The following DNAH2 variants were observed in gnomAD, a reference collection of about 807,000 sequenced individuals.
DNAH2 encodes the protein axonemal beta dynein heavy chain 2.
Under a neutral mutation model 523.5 loss-of-function variants are expected in DNAH2, and 323 were observed. That is an observed-to-expected ratio of 0.62 (90% CI 0.56 to 0.68). The LOEUF (loss-of-function observed/expected upper bound fraction) is 0.68, where lower values mean the gene tolerates loss of function less well. Ranked by LOEUF, DNAH2 falls within the 30% of genes least tolerant of loss-of-function variation. DNAH2 has a pLI of 0.00. For synonymous variants in DNAH2, 2,093 were observed against 2,177.4 expected, an observed-to-expected ratio of 0.96 and a Z score of 1.08; for missense variants, 4,907 against 5,701.5, an observed-to-expected ratio of 0.86 and a Z score of 4.49.
chr17:7,741,300 T>TTCTTTCTTC (rs1567625056), intron 11 of DNAH2, among the ~76,000 whole-genome samples: 48 of 44,858 alleles, frequency 1.1e-3, no homozygotes, highest in Middle Eastern at 0.018. Flanking sequence ...CTTTCTTCCT[T>TTCTTTCTTC]CCTTCCCTCC....
rs1293799828 is a variant in DNAH2, at chr17:7,718,456, G to T, written c.-358G>T. The T allele has an allele frequency of 6.6e-6, 1 of 152,200 alleles. No individual in the cohort carries two copies. Among genetic ancestry groups the T allele is most frequent in the Non-Finnish European group, 1.5e-5 (1 of 68,044 alleles). 9.4% of individuals were successfully genotyped at this position (152,200 alleles called of 1,614,324 possible). On this transcript the variant is annotated 5_prime_UTR_variant, in exon 1 of 86. Coordinates refer to ENST00000572933, the MANE Select transcript of DNAH2 (RefSeq NM_020877.5). ...GAGCCACAGGTGCCGTTAGGCTGCA[G>T]CCTAATGAAAAGAGAGTGCCCAGCG...
chr17:7,769,158 T>C (rs910939331), intron 24 of DNAH2, among the ~76,000 whole-genome samples: 1 of 152,140 alleles, frequency 6.6e-6, no homozygotes, highest in African/African-American at 2.4e-5. Flanking sequence ...CTTATGTCTT[T>C]TTTTTTCCTT....
At chr17:7,747,277 C>CT (rs565423492) in intron 12 of DNAH2, among the ~76,000 whole-genome samples, 10 of 150,600 alleles carry the variant, frequency 6.6e-5, no homozygotes, top group Admixed American at 1.3e-4. Flanking sequence ...TCACACCTTG[C>CT]TTTTTTTTTA....
At chr17:7,752,581 G>T (rs1478009278) in intron 12 of DNAH2, among the ~76,000 whole-genome samples, 2 of 152,024 alleles carry the variant, frequency 1.3e-5, no homozygotes, top group Non-Finnish European at 2.9e-5. Context: ...GTGGTGGCGG[G>T]CGCCTGTAGT....
chr17:7,734,877 G>A (rs2075097282), intron 7 of DNAH2, among the ~76,000 whole-genome samples, 169 bp downstream of exon 7: 2 of 151,552 alleles, frequency 1.3e-5, no homozygotes, highest in Admixed American at 1.3e-4. Flanking sequence ...GTAGAATAGA[G>A]GGTCCCTAAG....
chr17:7,797,336 C>T (rs1295559898), intron 51 of DNAH2, 64 bp from the exon 52 acceptor site: 4 of 1,613,382 alleles, frequency 2.5e-6, no homozygotes, highest in Non-Finnish European at 3.4e-6. Flanking sequence ...CCCAGCCTGA[C>T]ACTGCCTTCC....
intron 56 of DNAH2, among the ~76,000 whole-genome samples, chr17:7,800,694 G>A (rs542136991): frequency 1.1e-4 from 17 of 150,014 alleles, no homozygotes; most frequent in African/African-American, 2.7e-4. Context: ...GTGAAACCCC[G>A]TCTCTACTAA....
At chr17:7,729,422 C>T (rs2074922076) in intron 4 of DNAH2, among the ~76,000 whole-genome samples, 1 of 151,326 alleles carries the variant, frequency 6.6e-6, no homozygotes, top group Non-Finnish European at 1.5e-5. Context: ...AGAGGAGGAG[C>T]CTAGGTTTGT....
chr17:7,786,918 G>A lies in DNAH2; in HGVS notation c.6488G>A (p.Trp2163Ter). 1 of 1,614,234 alleles carries A rather than the reference G, an allele frequency of 6.2e-7. No homozygotes were observed. Among genetic ancestry groups the A allele is most frequent in the Non-Finnish European group, 8.5e-7 (1 of 1,180,044 alleles). Reference protein sequence around the residue: ...ACADEKPDEKWILFDGPVDTL... With the variant: ...ACADEKPDEK ...TCAGATGAGAAACCCGACGAGAAGT[G>A]GATCCTGTTCGATGGCCCCGTGGAC... The change falls in exon 42 of 86, where the codon TGG becomes TAG. Residue 2163 changes from tryptophan to a stop codon, truncating the protein, a stop_gained. Transcript: ENST00000572933. LOFTEE classifies it high-confidence loss of function. The surrounding 1 kb of genome is among the most constrained non-coding windows in gnomAD (Gnocchi z 7.5).
At chr17:7,726,244 G>A (rs546719884) in intron 3 of DNAH2, among the ~76,000 whole-genome samples, 116 of 151,524 alleles carry the variant, frequency 7.7e-4, no homozygotes, top group African/African-American at 2.8e-3. Context: ...GACCTCAGGT[G>A]ATCCACCCGC....
At chr17:7,762,535 C>T (rs1476020020) in intron 18 of DNAH2, among the ~76,000 whole-genome samples, 2 of 151,756 alleles carry the variant, frequency 1.3e-5, no homozygotes, top group African/African-American at 2.4e-5. Context: ...GGGGTTTCAT[C>T]GTGTTAGCCA....
chr17:7,796,322 T>A, intron 49 of DNAH2, 142 bp from the exon 50 acceptor site: 1 of 870,778 alleles, frequency 1.1e-6, no homozygotes, highest in South Asian at 1.9e-5. Context: ...GTACTGGGAT[T>A]ACAGGCATGA....
intron 12 of DNAH2, among the ~76,000 whole-genome samples, chr17:7,744,057 G>A (rs920377028): frequency 6.6e-6 from 1 of 152,024 alleles, no homozygotes; most frequent in African/African-American, 2.4e-5. Flanking sequence ...TGAGGCTGTG[G>A]CTACTAGTGT....
At chr17:7,817,471 A>G in intron 65 of DNAH2, 56 bp downstream of exon 65, 1 of 1,613,066 alleles carries the variant, frequency 6.2e-7, no homozygotes, top group East Asian at 2.2e-5. Context: ...TGGGGGCAGG[A>G]CCTTTGGGAA....
intron 63 of DNAH2, among the ~76,000 whole-genome samples, chr17:7,813,283 C>G (rs1335630215): frequency 6.6e-6 from 1 of 150,800 alleles, no homozygotes; most frequent in African/African-American, 2.4e-5. Context: ...GGCATAGAGA[C>G]AGGGTCTTGC....
intron 28 of DNAH2, among the ~76,000 whole-genome samples, chr17:7,774,432 G>A (rs562084343): frequency 3.3e-5 from 5 of 152,142 alleles, no homozygotes; most frequent in South Asian, 2.1e-4. Flanking sequence ...CAGTATTTTC[G>A]GACCACAGTT....
At chr17:7,748,368 C>T (rs1567635540) in intron 12 of DNAH2, among the ~76,000 whole-genome samples, 1 of 152,206 alleles carries the variant, frequency 6.6e-6, no homozygotes, top group African/African-American at 2.4e-5. Flanking sequence ...CCTTTTCCCC[C>T]CGGGTCAGCC....
chr17:7,772,217 G>C (rs1166727731), intron 28 of DNAH2, among the ~76,000 whole-genome samples: 1 of 152,058 alleles, frequency 6.6e-6, no homozygotes, highest in Non-Finnish European at 1.5e-5. Flanking sequence ...ATTCTGGTGG[G>C]GGTGCAGAGG....
chr17:7,831,432 A>G lies in DNAH2; in HGVS notation c.12502A>G (p.Met4168Val). The part of the protein sequence containing the change: ...AADVKQKIPE[M>V]IDYEGTQKLL... ...TGATGTGAAGCAGAAGATCCCTGAAATGATCGACTATGAGGGGACTCAAAA... is the reference window on the plus strand; with the variant it reads ...TGATGTGAAGCAGAAGATCCCTGAAGTGATCGACTATGAGGGGACTCAAAA... The change falls in exon 81 of 86, where the codon ATG (methionine) becomes GTG (valine). Residue 4168 changes from methionine to valine, a missense_variant. Physicochemically the swap from Met to Val is conservative, Grantham distance 21. Coordinates refer to ENST00000572933, the MANE Select transcript of DNAH2 (RefSeq NM_020877.5). This position sits in a 1 kb window ranked among gnomAD's most constrained non-coding sequence, Gnocchi z 4.2. 6.2e-7 allele frequency: 1 copy of G among 1,614,122 alleles called. No homozygotes were observed. Among genetic ancestry groups the G allele is most frequent in the East Asian group, 2.2e-5 (1 of 44,882 alleles).
Sources: gnomAD v4.1 joint callset for allele counts (sites outside exome capture counted in the v4.1 genomes callset) on GRCh38, gnomAD v4.1.1 for gene constraint, Gnocchi (gnomAD v3.1) non-coding constraint, MANE v1.5 for transcripts, NCBI Gene and HGNC (gene_info 2026-07-23, HGNC 2026-07-21) for gene names.